Variants in PEX7 observed in about 807,000 individuals in gnomAD.
PEX7 encodes the protein PTS2 receptor.
PEX7 carries 34 observed loss-of-function variants against 47.5 expected under a neutral mutation model. The observed-to-expected ratio is 0.72, with a 90% CI of 0.54 to 0.95. The LOEUF is 0.95. PEX7 is among the 40% of genes least tolerant of loss of function. The pLI, the probability that PEX7 is intolerant of heterozygous loss-of-function variation, is 0.00. For missense variants in PEX7, 394 were observed against 400.3 expected (o/e 0.98, Z 0.13); for synonymous variants, 141 against 148.8 (o/e 0.95, Z 0.38).
At chr6:136,901,424 T>G (rs1307656646) in intron 9 of PEX7, 1 of 152,250 alleles carries the variant, frequency 6.6e-6, no homozygotes, top group Non-Finnish European at 1.5e-5. Flanking sequence ...GCCACCCATG[T>G]GGTTCCAGCC....
At chr6:136,828,014 T>C (rs1304946952) in intron 3 of PEX7, among the ~76,000 whole-genome samples, 1 of 152,032 alleles carries the variant, frequency 6.6e-6, no homozygotes, top group East Asian at 1.9e-4. Flanking sequence ...TTTTTTTTCC[T>C]TTTTCTTAAA....
At chr6:136,892,359 C>T (rs1342203149) in intron 8 of PEX7, among the ~76,000 whole-genome samples, 1 of 152,044 alleles carries the variant, frequency 6.6e-6, no homozygotes, top group African/African-American at 2.4e-5. Flanking sequence ...CAGATCCTGC[C>T]CACCTATATT....
chr6:136,845,139 A>G (rs941181199), intron 3 of PEX7, among the ~76,000 whole-genome samples: 8 of 152,228 alleles, frequency 5.3e-5, no homozygotes, highest in Admixed American at 4.6e-4. Context: ...TTGGATAACT[A>G]AAACTGTTTA....
At position 136,898,589 on chromosome 6, in the gene PEX7, T is replaced by C. The variant is rs544391021; in HGVS notation, c.903+348T>C. On this transcript the variant is annotated intron_variant, in intron 9 of 9. Coordinates refer to ENST00000318471, the MANE Select transcript of PEX7 (RefSeq NM_000288.4). ...GGAGTCAGGAGCATGTGGTCCTGACTCAGCTGTCCCATTAGGCAGTTGAGA... is the reference window on the plus strand; with the variant it reads ...GGAGTCAGGAGCATGTGGTCCTGACCCAGCTGTCCCATTAGGCAGTTGAGA... Among the ~76,000 whole-genome samples, 81 of 152,286 alleles carry C rather than the reference T, an allele frequency of 5.3e-4. 1 individual carries two copies. Among genetic ancestry groups the C allele is most frequent in the African/African-American group, 1.9e-3 (80 of 41,572 alleles).
At chr6:136,883,375 A>G (rs781100801) in intron 8 of PEX7, among the ~76,000 whole-genome samples, 14 of 152,208 alleles carry the variant, frequency 9.2e-5, no homozygotes, top group Non-Finnish European at 1.5e-4. Flanking sequence ...GGCAAAAGCC[A>G]CTAGCGACCT....
At chr6:136,890,889 AC>A (rs1775541651) in intron 8 of PEX7, among the ~76,000 whole-genome samples, 1 of 152,190 alleles carries the variant, frequency 6.6e-6, no homozygotes, top group African/African-American at 2.4e-5. Context: ...GCTACCAGTT[AC>A]GCTTCAGATG....
In PEX7 at chr6:136,909,949, G is replaced by A. The variant is rs577431401; in HGVS notation, c.904-3509G>A. The stretch of plus-strand genomic sequence containing the variant: ...CCAGTAGCGGATGCTTAACATGTGG[G>A]AAGGCCCAGCACTTGAAAAAAATAG... On this transcript the variant is annotated intron_variant, in intron 9 of 9. Coordinates refer to ENST00000318471, the MANE Select transcript of PEX7 (RefSeq NM_000288.4). Among the ~76,000 whole-genome samples, 5 of 152,188 alleles carry A rather than the reference G, an allele frequency of 3.3e-5. No homozygotes were observed. The South Asian group carries it at 8.3e-4, about 25-fold the overall frequency.
chr6:136,913,545 G>C lies in PEX7; in HGVS notation c.*19G>C, dbSNP rs530563376. 3 of 1,522,268 alleles carry C rather than the reference G, an allele frequency of 2.0e-6. No individual in the cohort carries two copies. The Admixed American group carries it at 5.0e-5, about 25-fold the overall frequency. The allele number at this position is 1,522,268 out of a possible 1,614,324, so 94.3% of individuals were successfully genotyped here. The stretch of plus-strand genomic sequence containing the variant: ...TGCTTGAGATACACTACTTTGGTCA[G>C]AAACAGAGGATGTTGGCTGAAGAAC... On this transcript the variant is annotated 3_prime_UTR_variant, in exon 10 of 10. Coordinates refer to ENST00000318471, the MANE Select transcript of PEX7 (RefSeq NM_000288.4).
intron 2 of PEX7, 60 bp from the exon 3 acceptor site, chr6:136,826,256 TTTG>T (rs754871800): frequency 8.0e-5 from 124 of 1,546,940 alleles, no homozygotes; most frequent in Non-Finnish European, 1.0e-4. Flanking sequence ...TGTTATTTTT[TTTG>T]TTGTGTAGCT....
At chr6:136,823,665 C>T (rs1278096270) in intron 1 of PEX7, among the ~76,000 whole-genome samples, 2 of 152,082 alleles carry the variant, frequency 1.3e-5, no homozygotes, top group African/African-American at 4.8e-5. Context: ...CCGAGGTGGG[C>T]GGATCACTTG....
chr6:136,844,719 G>T (rs768859920), intron 3 of PEX7, among the ~76,000 whole-genome samples: 1 of 151,784 alleles, frequency 6.6e-6, no homozygotes, highest in East Asian at 1.9e-4. Context: ...GACTTTTTTA[G>T]ATTCCACCTA....
Position 136,825,162 on chromosome 6 carries a change from G to A in PEX7, c.131-52G>A, listed in dbSNP as rs1023931316. 3.2e-5 allele frequency: 46 copies of A among 1,442,646 alleles called. No homozygotes were observed. The East Asian group carries it at 8.6e-4, about 27-fold the overall frequency. 89.4% of individuals were successfully genotyped at this position (1,442,646 alleles called of 1,614,324 possible). A position where few individuals can be genotyped will look rare whatever the true frequency, so the allele number is the denominator to read the frequency against. On this transcript the variant is annotated intron_variant, in intron 1 of 9. Transcript: ENST00000318471. ...ATTACTTGATAACTCCTTGACTTTCGATGTTACCCTGGCAGGTTCAAAGGG... is the reference window on the plus strand; with the variant it reads ...ATTACTTGATAACTCCTTGACTTTCAATGTTACCCTGGCAGGTTCAAAGGG...
intron 8 of PEX7, among the ~76,000 whole-genome samples, chr6:136,879,381 A>G (rs992778025): frequency 6.6e-6 from 1 of 152,172 alleles, no homozygotes; most frequent in Non-Finnish European, 1.5e-5. Flanking sequence ...CTTGGAGGAT[A>G]GTTTAGCTGA....
At chr6:136,848,250 G>A (rs1427382154) in intron 5 of PEX7, among the ~76,000 whole-genome samples, 4 of 152,280 alleles carry the variant, frequency 2.6e-5, no homozygotes, top group Admixed American at 6.5e-5. Context: ...GGGCTGAGAC[G>A]GTGGGGTTTT....
chr6:136,826,196 A>G, intron 2 of PEX7, 123 bp from the exon 3 acceptor site: 1 of 1,030,222 alleles, frequency 9.7e-7, no homozygotes, highest in Non-Finnish European at 1.5e-6. Flanking sequence ...AGATTACATG[A>G]GATATACGTG....
intron 8 of PEX7, among the ~76,000 whole-genome samples, chr6:136,879,276 TC>T (rs1330784302): frequency 2.6e-5 from 4 of 152,214 alleles, no homozygotes; most frequent in Non-Finnish European, 4.4e-5. Context: ...CAGTTTATCT[TC>T]AGGAAATGCC....
intron 8 of PEX7, among the ~76,000 whole-genome samples, chr6:136,884,608 G>C (rs1481283126): frequency 8.0e-6 from 1 of 124,698 alleles, no homozygotes; most frequent in Non-Finnish European, 1.7e-5. Context: ...TTTAGAAAAT[G>C]TAAGTTTCAT....
intron 6 of PEX7, among the ~76,000 whole-genome samples, chr6:136,867,583 TGTTTATATTTTAA>T (rs1775096694): frequency 6.6e-6 from 1 of 152,030 alleles, no homozygotes; most frequent in Non-Finnish European, 1.5e-5. Context: ...CTCTACAATG[TGTTTATATTTTAA>T]GTTTTGTTAT....
In PEX7 at chr6:136,913,676, A is replaced by C; in HGVS notation, c.*150A>C. ...TTTACCCTGGAATCAGTTTTGAGGG[A>C]GCTGATAAAGACTTTAGCTGACTCG... On this transcript the variant is annotated 3_prime_UTR_variant, in exon 10 of 10. Coordinates refer to ENST00000318471, the MANE Select transcript of PEX7 (RefSeq NM_000288.4). 1 of 695,874 alleles carries C rather than the reference A, an allele frequency of 1.4e-6. No individual in the cohort carries two copies. The allele number at this position is 695,874 out of a possible 1,614,324, so 43.1% of individuals were successfully genotyped here.
Sources: allele counts gnomAD v4.1 joint callset (sites outside exome capture counted in the v4.1 genomes callset), GRCh38; gene constraint gnomAD v4.1.1; transcripts MANE v1.5; gene names NCBI Gene and HGNC (gene_info 2026-07-23, HGNC 2026-07-21).